TRIM44: variants seen among roughly 807,000 people sequenced by gnomAD.
TRIM44 encodes the protein tripartite motif containing 44, also known as tripartite motif-containing protein 44.
In TRIM44, 13 loss-of-function variants were observed where a neutral mutation model predicts 37.4. The ratio of observed to expected loss-of-function variants is 0.35; its 90% CI spans 0.23 to 0.55. TRIM44 has a LOEUF of 0.55. TRIM44 is among the 20% of genes least tolerant of loss of function. The pLI, the probability that TRIM44 is intolerant of heterozygous loss-of-function variation, is 0.89. For synonymous variants in TRIM44, 175 were observed against 157.2 expected, an observed-to-expected ratio of 1.11 and a Z score of -0.85; for missense variants, 426 against 437.2, an observed-to-expected ratio of 0.97 and a Z score of 0.23.
In TRIM44 at chr11:35,695,266, A is replaced by G. The variant is rs182385925; in HGVS notation, c.747+9930A>G. On this transcript the variant is annotated intron_variant, in intron 2 of 4. Coordinates refer to ENST00000299413, the MANE Select transcript of TRIM44 (RefSeq NM_017583.6). ...CTCCATGAGTCCATGCTTAATTAAC[A>G]TTAGACTTATGTCCTCTTGAATACC... Among the ~76,000 whole-genome samples, 7 of 152,252 alleles carry G rather than the reference A, an allele frequency of 4.6e-5. No homozygotes were observed. In the South Asian group the frequency reaches 8.3e-4, roughly 18 times the overall value.
chr11:35,735,269 C>T (rs115137366), intron 3 of TRIM44, among the ~76,000 whole-genome samples, 157 bp from the exon 4 acceptor site: 1,945 of 152,212 alleles, frequency 0.013, 44 homozygotes, highest in African/African-American at 0.044. Context: ...TATATTAGCT[C>T]TTGTCTTAGC....
chr11:35,663,733 C>T lies in TRIM44; in HGVS notation c.622C>T (p.Gln208Ter), dbSNP rs1276630176. 9 of 1,613,944 alleles carry T rather than the reference C, an allele frequency of 5.6e-6. No individual in the cohort carries two copies. Among genetic ancestry groups the T allele is most frequent in the Non-Finnish European group, 6.8e-6 (8 of 1,180,038 alleles). ...CVLCPVIGAH[Q>*]GHQLSTLDEA... Reference sequence around the variant, plus strand: ...CCTGTGTCCAGTCATTGGGGCTCACCAGGGCCACCAACTCTCCACCCTAGA... The same window carrying T: ...CCTGTGTCCAGTCATTGGGGCTCACTAGGGCCACCAACTCTCCACCCTAGA... The change falls in exon 1 of 5, where the codon CAG becomes TAG. Residue 208 changes from glutamine to a stop codon, truncating the protein, a stop_gained. Coordinates refer to ENST00000299413, the MANE Select transcript of TRIM44 (RefSeq NM_017583.6). LOFTEE classifies it high-confidence loss of function.
intron 2 of TRIM44, among the ~76,000 whole-genome samples, chr11:35,701,081 C>T (rs1354525207): frequency 6.6e-6 from 1 of 152,062 alleles, no homozygotes; most frequent in Non-Finnish European, 1.5e-5. Context: ...GCCGGGAAAG[C>T]ATGCAGTTTC....
chr11:35,749,582 G>T (rs1297540534), intron 4 of TRIM44, among the ~76,000 whole-genome samples: 1 of 152,206 alleles, frequency 6.6e-6, no homozygotes, highest in African/African-American at 2.4e-5. Flanking sequence ...CTACTCAGGA[G>T]GCTGAGGCAC....
intron 2 of TRIM44, among the ~76,000 whole-genome samples, chr11:35,720,607 C>T (rs186505630): frequency 1.2e-4 from 19 of 152,268 alleles, no homozygotes; most frequent in Admixed American, 4.6e-4. Flanking sequence ...GACATCCTTG[C>T]CTTGTTCCTC....
At chr11:35,699,826 T>C (rs2135499730) in intron 2 of TRIM44, among the ~76,000 whole-genome samples, 1 of 152,032 alleles carries the variant, frequency 6.6e-6, no homozygotes, top group South Asian at 2.1e-4. Context: ...AACAGCCAAA[T>C]CATGAGTGAA....
Position 35,725,078 on chromosome 11 carries a change from A to T in TRIM44, c.748-846A>T, listed in dbSNP as rs867256676. Among the ~76,000 whole-genome samples the T allele has an allele frequency of 6.3e-3, 954 of 151,400 alleles. 13 individuals carry two copies. Among genetic ancestry groups the T allele is most frequent in the African/African-American group, 0.022 (920 of 41,280 alleles). ...GACATGCACACACTCACACACACAC[A>T]CACACACACACACACACACACACAC... On this transcript the variant is annotated intron_variant, in intron 2 of 4. Coordinates refer to ENST00000299413, the MANE Select transcript of TRIM44 (RefSeq NM_017583.6).
At chr11:35,700,485 C>G (rs1851772295) in intron 2 of TRIM44, among the ~76,000 whole-genome samples, 1 of 152,210 alleles carries the variant, frequency 6.6e-6, no homozygotes, top group South Asian at 2.1e-4. Context: ...GCTTGTAAAA[C>G]TATTTTTTCA....
intron 4 of TRIM44, among the ~76,000 whole-genome samples, chr11:35,771,267 G>A (rs989808536): frequency 2.6e-5 from 4 of 152,312 alleles, no homozygotes; most frequent in Admixed American, 6.5e-5. Flanking sequence ...GGAAACTGGC[G>A]CAAAGGTGAC....
chr11:35,729,406 A>G (rs185227848), intron 3 of TRIM44, among the ~76,000 whole-genome samples: 115 of 152,236 alleles, frequency 7.6e-4, no homozygotes, highest in African/African-American at 2.7e-3. Flanking sequence ...TCTCCTATGC[A>G]TCCGTAGGTG....
intron 1 of TRIM44, among the ~76,000 whole-genome samples, chr11:35,675,098 C>A (rs1038027509): frequency 1.3e-5 from 2 of 152,122 alleles, no homozygotes; most frequent in Non-Finnish European, 2.9e-5. Flanking sequence ...GTTATAAATT[C>A]TTTAAGGCTA....
chr11:35,773,741 G>A lies in TRIM44; in HGVS notation c.1008-32617G>A, dbSNP rs193260785. Among the ~76,000 whole-genome samples, 89 of 152,236 alleles carry A rather than the reference G, an allele frequency of 5.8e-4. 1 individual carries two copies. Among genetic ancestry groups the A allele is most frequent in the Admixed American group, 9.8e-4 (15 of 15,302 alleles). On this transcript the variant is annotated intron_variant, in intron 4 of 4. Coordinates refer to ENST00000299413, the MANE Select transcript of TRIM44 (RefSeq NM_017583.6). ...GCGGTGTTTGGTTTTCTGTCCTTGCGATAGTTTGCTCAGAATGATGGTTTC... is the reference window on the plus strand; with the variant it reads ...GCGGTGTTTGGTTTTCTGTCCTTGCAATAGTTTGCTCAGAATGATGGTTTC...
At chr11:35,707,284 A>G (rs1270245404) in intron 2 of TRIM44, among the ~76,000 whole-genome samples, 1 of 152,228 alleles carries the variant, frequency 6.6e-6, no homozygotes, top group Non-Finnish European at 1.5e-5. Flanking sequence ...AAATGGAAGA[A>G]CATTCCATGC....
At chr11:35,775,081 T>A (rs1052580432) in intron 4 of TRIM44, among the ~76,000 whole-genome samples, 3 of 152,248 alleles carry the variant, frequency 2.0e-5, no homozygotes, top group Non-Finnish European at 4.4e-5. Flanking sequence ...TTTCATGATA[T>A]TGATTCTTCC....
intron 4 of TRIM44, among the ~76,000 whole-genome samples, chr11:35,801,781 C>T (rs1226225460): frequency 6.6e-6 from 1 of 152,070 alleles, no homozygotes; most frequent in African/African-American, 2.4e-5. Flanking sequence ...TCACCCCATC[C>T]CCTACCCACA....
In TRIM44 at chr11:35,663,642, G is replaced by A. The variant is rs1201646955; in HGVS notation, c.531G>A (p.Arg177=). The A allele has an allele frequency of 6.2e-7, 1 of 1,614,152 alleles. No homozygotes were observed. The highest frequency in any genetic ancestry group is 1.7e-5 in the Admixed American group (1 of 60,024). Residue 177 remains arginine (R), a synonymous_variant, in exon 1 of 5, where the codon AGG becomes AGA. Transcript: ENST00000299413. ...TGGAAGCAGAGAGAGTGGCCAAGAG[G>A]AAGTGTCCGGACCATGGGCTTGATT... The part of the protein sequence containing the change: ...IEMEAERVAK[R]KCPDHGLDLS...
intron 2 of TRIM44, among the ~76,000 whole-genome samples, chr11:35,696,574 C>T (rs988974144): frequency 4.0e-5 from 6 of 151,872 alleles, no homozygotes; most frequent in South Asian, 2.1e-4. Flanking sequence ...AAAGGCCAAG[C>T]GCAGTGGCTC....
chr11:35,812,283 AC>A lies in TRIM44; in HGVS notation c.*5901del, dbSNP rs1853537335. On this transcript the variant is annotated 3_prime_UTR_variant, in exon 5 of 5. Coordinates refer to ENST00000299413, the MANE Select transcript of TRIM44 (RefSeq NM_017583.6). ...TTCACAAGGCACCAGAGTTAGAGAC[AC>A]CCAACAGAAAGTCGTAATAAGAGAA... The A allele has an allele frequency of 6.6e-6, 1 of 152,214 alleles. No homozygotes were observed. Among genetic ancestry groups the A allele is most frequent in the Non-Finnish European group, 1.5e-5 (1 of 68,034 alleles). 9.4% of individuals were successfully genotyped at this position (152,214 alleles called of 1,614,324 possible). A position where few individuals can be genotyped will look rare whatever the true frequency, so the allele number is the denominator to read the frequency against.
chr11:35,664,233 A>G (rs1189926152), intron 1 of TRIM44, among the ~76,000 whole-genome samples: 1 of 152,188 alleles, frequency 6.6e-6, no homozygotes. Context: ...AAGACTAACA[A>G]AATAGTTTTA....
Sources: gnomAD v4.1 joint callset for allele counts (sites outside exome capture counted in the v4.1 genomes callset) on GRCh38, gnomAD v4.1.1 for gene constraint, MANE v1.5 for transcripts, NCBI Gene and HGNC (gene_info 2026-07-23, HGNC 2026-07-21) for gene names.